Variants in XKR6 observed in about 807,000 individuals in gnomAD.
XKR6 encodes XK-related protein 6.
XKR6 carries 22 observed loss-of-function variants against 56.7 expected under a neutral mutation model. The ratio of observed to expected loss-of-function variants is 0.39; its 90% CI spans 0.28 to 0.55. The LOEUF (loss-of-function observed/expected upper bound fraction) is 0.55. Among genes scored for constraint, XKR6 ranks in the 20% least tolerant of loss-of-function variants. XKR6 has a pLI of 0.66. For synonymous variants in XKR6, 524 were observed against 387.8 expected, an observed-to-expected ratio of 1.35 and a Z score of -4.13; for missense variants, 852 against 889.0, an observed-to-expected ratio of 0.96 and a Z score of 0.53.
At position 10,906,263 on chromosome 8, in the gene XKR6, G is replaced by A. The variant is rs561788814; in HGVS notation, c.962-7347C>T. 3.3e-5 allele frequency among the ~76,000 whole-genome samples: 5 copies of A among 152,306 alleles called. No individual in the cohort carries two copies. In the South Asian group the frequency reaches 1.0e-3, roughly 32 times the overall value. On this transcript the variant is annotated intron_variant, in intron 2 of 2. Coordinates refer to ENST00000416569, the MANE Select transcript of XKR6 (RefSeq NM_173683.4). The stretch of plus-strand genomic sequence containing the variant: ...AGAGCTCCACCAAATCCTGCTAAAT[G>A]TTGGTTGTTAAACATTTACCAGCAC...
At chr8:10,974,810 G>A (rs1439023734) in intron 1 of XKR6, among the ~76,000 whole-genome samples, 1 of 152,176 alleles carries the variant, frequency 6.6e-6, no homozygotes, top group African/African-American at 2.4e-5. Context: ...GAACTCCTGG[G>A]CTCCTGGGGG....
At chr8:11,044,808 C>A (rs543518435) in intron 1 of XKR6, among the ~76,000 whole-genome samples, 10 of 151,958 alleles carry the variant, frequency 6.6e-5, no homozygotes, top group African/African-American at 1.4e-4. Context: ...TTAGTAGAGA[C>A]GGGGTTTCAC....
intron 1 of XKR6, among the ~76,000 whole-genome samples, chr8:11,077,603 G>A (rs1042905419): frequency 3.9e-5 from 6 of 152,166 alleles, no homozygotes; most frequent in East Asian, 3.9e-4. Context: ...GGTGACCCTC[G>A]AGGCCTGGAC....
intron 1 of XKR6, among the ~76,000 whole-genome samples, chr8:11,006,536 G>C (rs1463564726): frequency 6.6e-6 from 1 of 152,222 alleles, no homozygotes; most frequent in African/African-American, 2.4e-5. Context: ...AAGTGGAATA[G>C]AGTAAGGCAT....
In XKR6 at chr8:11,195,798, G is replaced by A. The variant is rs187128905; in HGVS notation, c.764+4778C>T. 6.6e-5 allele frequency among the ~76,000 whole-genome samples: 10 copies of A among 151,592 alleles called. No individual in the cohort carries two copies. The East Asian group carries it at 1.7e-3, about 26-fold the overall frequency. ...TGAGTAGCTGGGACTACAGGCGCCCGCCACCACGCCCGGCTAATTTTTTTT... is the reference window on the plus strand; with the variant it reads ...TGAGTAGCTGGGACTACAGGCGCCCACCACCACGCCCGGCTAATTTTTTTT... On this transcript the variant is annotated intron_variant, in intron 1 of 2. Coordinates refer to ENST00000416569, the MANE Select transcript of XKR6 (RefSeq NM_173683.4).
chr8:10,971,950 A>AT (rs1436624707), intron 1 of XKR6, among the ~76,000 whole-genome samples: 1 of 152,140 alleles, frequency 6.6e-6, no homozygotes, highest in African/African-American at 2.4e-5. Flanking sequence ...CCAAAAATGG[A>AT]TTTTTTAGTC....
intron 1 of XKR6, among the ~76,000 whole-genome samples, chr8:10,951,951 C>A (rs571638573): frequency 6.6e-6 from 1 of 152,306 alleles, no homozygotes; most frequent in East Asian, 1.9e-4. Context: ...AGGCCACAGC[C>A]AGCCCCCTGC....
intron 1 of XKR6, among the ~76,000 whole-genome samples, chr8:10,975,187 G>C (rs1241512460): frequency 2.6e-5 from 4 of 152,156 alleles, no homozygotes; most frequent in African/African-American, 9.7e-5. Flanking sequence ...TGGGGAACCT[G>C]AGAGGAACTA....
At chr8:11,070,775 G>A (rs924672827) in intron 1 of XKR6, among the ~76,000 whole-genome samples, 1 of 152,216 alleles carries the variant, frequency 6.6e-6, no homozygotes, top group Non-Finnish European at 1.5e-5. Context: ...CTAATTTAGA[G>A]ATCGTGAATC....
chr8:11,163,779 T>G (rs1311735655), intron 1 of XKR6, among the ~76,000 whole-genome samples: 1 of 152,200 alleles, frequency 6.6e-6, no homozygotes, highest in African/African-American at 2.4e-5. Context: ...TTATCACATT[T>G]TACAGTTGAG....
intron 1 of XKR6, chr8:11,129,102 A>G (rs1799974906): frequency 2.6e-6 from 1 of 379,902 alleles, no homozygotes; most frequent in Admixed American, 3.4e-5. Flanking sequence ...CAATCAAGAA[A>G]ATACTTCCAA....
At chr8:10,937,357 T>C in intron 1 of XKR6, among the ~76,000 whole-genome samples, 1 of 149,474 alleles carries the variant, frequency 6.7e-6, no homozygotes, top group Non-Finnish European at 1.5e-5. Flanking sequence ...TGTCCTCCCG[T>C]AGCTCAGAGT....
intron 1 of XKR6, 82 bp from the exon 2 acceptor site, chr8:10,924,912 AAGAGACTCAGC>A: frequency 7.0e-7 from 1 of 1,431,326 alleles, no homozygotes; most frequent in Non-Finnish European, 9.5e-7. Context: ...CCCTAAAACC[AAGAGACTCAGC>A]ATCCCCCCAA....
At position 10,896,415 on chromosome 8, in the gene XKR6, T is replaced by C. The variant is rs1483237151; in HGVS notation, c.*1537A>G. On this transcript the variant is annotated 3_prime_UTR_variant, in exon 3 of 3. Coordinates refer to ENST00000416569, the MANE Select transcript of XKR6 (RefSeq NM_173683.4). ...GGGCTCGTGGGCAGGCAGCATCACT[T>C]CCCCACCACTCCAGAGCCCCCGCCC... 6.6e-6 allele frequency: 1 copy of C among 152,468 alleles called. No individual in the cohort carries two copies. Among genetic ancestry groups the C allele is most frequent in the East Asian group, 1.9e-4 (1 of 5,180 alleles). 9.4% of individuals were successfully genotyped at this position (152,468 alleles called of 1,614,324 possible). A position where few individuals can be genotyped will look rare whatever the true frequency, so the allele number is the denominator to read the frequency against.
Position 10,898,031 on chromosome 8 carries a change from A to C in XKR6, c.1847T>G (p.Val616Gly). The part of the protein sequence containing the change: ...LRRTINILQY[V>G]TPTAVGIRYR... The stretch of plus-strand genomic sequence containing the variant: ...TCGAATGCCTACTGCGGTGGGGGTG[A>C]CATATTGTAGAATGTTAATAGTCCT... The change falls in exon 3 of 3, where the codon GTC (valine) becomes GGC (glycine). Residue 616 changes from valine to glycine, a missense_variant. Transcript: ENST00000416569. The surrounding 1 kb of genome is among the most constrained non-coding windows in gnomAD (Gnocchi z 6.6). 1 of 1,613,912 alleles carries C rather than the reference A, an allele frequency of 6.2e-7. No homozygotes were observed. Among genetic ancestry groups the C allele is most frequent in the East Asian group, 2.2e-5 (1 of 44,882 alleles).
Position 11,004,381 on chromosome 8 carries a change from A to G in XKR6, c.765-79551T>C, listed in dbSNP as rs112090522. 1.4e-3 allele frequency among the ~76,000 whole-genome samples: 209 copies of G among 152,330 alleles called. 3 individuals carry two copies. The highest frequency in any genetic ancestry group is 4.8e-3 in the African/African-American group (200 of 41,562). ...CAGCTACTTAAGAGGCTGAGGCAGA[A>G]GAATCACTTGAACCCAGGAGGCGGA... On this transcript the variant is annotated intron_variant, in intron 1 of 2. Transcript: ENST00000416569.
intron 1 of XKR6, among the ~76,000 whole-genome samples, chr8:10,999,218 T>C (rs980259463): frequency 1.7e-4 from 26 of 152,218 alleles, no homozygotes; most frequent in African/African-American, 5.5e-4. Flanking sequence ...TTTATGCCCA[T>C]TGAGAAAGTG....
chr8:11,117,848 A>T (rs1799253967), intron 1 of XKR6, among the ~76,000 whole-genome samples: 1 of 152,196 alleles, frequency 6.6e-6, no homozygotes, highest in Non-Finnish European at 1.5e-5. Flanking sequence ...TGCAACAATT[A>T]CAGACAATTC....
rs35351104 is a variant in XKR6 at position 11,144,223 on chromosome 8, A to AGTGTGTGTGTGTGTGTGTGT, written c.764+56333_764+56352dup. On this transcript the variant is annotated intron_variant, in intron 1 of 2. Coordinates refer to ENST00000416569, the MANE Select transcript of XKR6 (RefSeq NM_173683.4). ...TGATGTAGTTTTGTTTTAAATAAAA[A>AGTGTGTGTGTGTGTGTGTGT]GTGTGTGTGTGTGTGTGTGTGTGTG... 2.7e-3 allele frequency among the ~76,000 whole-genome samples: 370 copies of AGTGTGTGTGTGTGTGTGTGT among 136,502 alleles called. 6 individuals are homozygous for AGTGTGTGTGTGTGTGTGTGT. The highest frequency in any genetic ancestry group is 0.012 in the East Asian group (56 of 4,814). 89.6% of individuals were successfully genotyped at this position (136,502 alleles called of 152,430 possible). A position where few individuals can be genotyped will look rare whatever the true frequency, so the allele number is the denominator to read the frequency against.
Sources: allele counts gnomAD v4.1 joint callset (sites outside exome capture counted in the v4.1 genomes callset), GRCh38; gene constraint gnomAD v4.1.1; non-coding constraint Gnocchi (gnomAD v3.1); transcripts MANE v1.5; gene names NCBI Gene and HGNC (gene_info 2026-07-23, HGNC 2026-07-21).